The following DLGAP2 variants were observed in gnomAD, a reference collection of about 807,000 sequenced individuals.
The protein encoded by DLGAP2 is DLG associated protein 2, also known as disks large-associated protein 2.
A neutral mutation model predicts 100.3 loss-of-function variants in DLGAP2; 26 were observed. The observed-to-expected ratio is 0.26, with a 90% CI of 0.19 to 0.36. The LOEUF (loss-of-function observed/expected upper bound fraction) is 0.36, where lower values mean the gene tolerates loss of function less well. Among genes scored for constraint, DLGAP2 ranks in the 10% least tolerant of loss-of-function variants. The pLI is 1.00. For missense variants in DLGAP2, 1,858 were observed against 1,453.2 expected (o/e 1.28, Z -4.53); for synonymous variants, 886 against 630.1 (o/e 1.41, Z -6.08).
intron 1 of DLGAP2, among the ~76,000 whole-genome samples, chr8:787,410 A>C (rs1821898477): frequency 6.6e-6 from 1 of 152,184 alleles, no homozygotes; most frequent in South Asian, 2.1e-4. Context: ...TGGCCTCTAA[A>C]AAATATCTTC....
rs1800918031 is a variant in DLGAP2 at position 1,529,647 on chromosome 8, A to T, written c.173-18979A>T. The stretch of plus-strand genomic sequence containing the variant: ...GACAACTGCTGATATGGTGAACATT[A>T]AAAAATTACAGAAGTTAAGCTTGAA... On this transcript the variant is annotated intron_variant, in intron 4 of 14. Transcript: ENST00000637795. Among the ~76,000 whole-genome samples the T allele has an allele frequency of 2.0e-5, 3 of 152,262 alleles. No homozygotes were observed. The South Asian group carries it at 6.2e-4, about 32-fold the overall frequency.
At chr8:1,254,840 C>T (rs915101838) in intron 2 of DLGAP2, among the ~76,000 whole-genome samples, 2 of 121,880 alleles carry the variant, frequency 1.6e-5, no homozygotes, top group East Asian at 4.1e-4. Flanking sequence ...CTGACTTTTC[C>T]TCCGTGGGCC....
chr8:1,199,891 T>A (rs1445602558), intron 2 of DLGAP2, among the ~76,000 whole-genome samples: 2 of 152,046 alleles, frequency 1.3e-5, no homozygotes, highest in Admixed American at 1.3e-4. Context: ...GTGTGATCTC[T>A]ACACCGCCCC....
chr8:1,551,007 G>T (rs1253372425), intron 5 of DLGAP2, among the ~76,000 whole-genome samples: 3 of 152,224 alleles, frequency 2.0e-5, no homozygotes, highest in African/African-American at 7.2e-5. Flanking sequence ...GGGACTAGCA[G>T]CCGTGATTCT....
rs750104011 is a variant in DLGAP2 at position 1,548,924 on chromosome 8, C to T, written c.471C>T (p.Ser157=). The change falls in exon 5 of 15, where the codon TCC becomes TCT. Residue 157 remains serine, a synonymous_variant. Transcript: ENST00000637795. ...CGGTGGTGCTGGGCGACCACGTGTC[C>T]AGCAGCACCTTCCCGCGGATGCACT... ...MMPVVLGDHV[S]SSTFPRMHYS... The T allele has an allele frequency of 1.3e-5, 20 of 1,598,238 alleles. No individual in the cohort carries two copies. The African/African-American group carries it at 2.4e-4, about 19-fold the overall frequency.
chr8:1,646,527 C>T (rs144063247), intron 8 of DLGAP2, among the ~76,000 whole-genome samples: 94 of 152,240 alleles, frequency 6.2e-4, no homozygotes, highest in African/African-American at 2.1e-3. Context: ...GGTATTTTTT[C>T]AGGTTCTGTA....
chr8:1,623,411 G>GCACCAGTGCTTGATGACCTGA (rs1797400435), intron 6 of DLGAP2, among the ~76,000 whole-genome samples: 3 of 150,220 alleles, frequency 2.0e-5, no homozygotes, highest in African/African-American at 7.4e-5. Context: ...TGATGACCTG[G>GCACCAGTGCTTGATGACCTGA]CACCAGTGCT....
chr8:1,545,562 A>C (rs955661535), intron 4 of DLGAP2, among the ~76,000 whole-genome samples: 4 of 152,208 alleles, frequency 2.6e-5, no homozygotes, highest in Admixed American at 2.0e-4. Context: ...CACAAAAAGA[A>C]ATTACCAGCC....
intron 6 of DLGAP2, among the ~76,000 whole-genome samples, chr8:1,601,945 G>GGTATGTGT (rs1554506578): frequency 6.8e-6 from 1 of 146,348 alleles, no homozygotes. Flanking sequence ...AATTTAACAG[G>GGTATGTGT]GTGTGTGTGT....
intron 1 of DLGAP2, among the ~76,000 whole-genome samples, chr8:873,577 T>C (rs1797637780): frequency 1.3e-5 from 2 of 152,232 alleles, no homozygotes; most frequent in African/African-American, 2.4e-5. Context: ...TTCATTTTAC[T>C]AATATTTTGT....
At chr8:1,670,300 C>G (rs1335602833) in intron 10 of DLGAP2, among the ~76,000 whole-genome samples, 1 of 152,238 alleles carries the variant, frequency 6.6e-6, no homozygotes, top group Non-Finnish European at 1.5e-5. Context: ...ACAGTGCCGC[C>G]GCTTCCTGCC....
intron 2 of DLGAP2, among the ~76,000 whole-genome samples, chr8:1,103,437 A>G (rs12544582): frequency 0.25 from 30,669 of 121,074 alleles, 4,942 homozygotes; most frequent in African/African-American, 0.55. Flanking sequence ...GGCTTTGGTT[A>G]ACGGTGATGA....
At chr8:1,617,373 A>G (rs746710602) in intron 6 of DLGAP2, among the ~76,000 whole-genome samples, 15 of 152,210 alleles carry the variant, frequency 9.9e-5, no homozygotes, top group Non-Finnish European at 1.5e-4. Context: ...TTTTCTTCAC[A>G]GCCTCACAGC....
At chr8:1,368,270 GTATGTGTGTA>G (rs1802155437) in intron 3 of DLGAP2, among the ~76,000 whole-genome samples, 1 of 151,930 alleles carries the variant, frequency 6.6e-6, no homozygotes, top group Non-Finnish European at 1.5e-5. Flanking sequence ...GTGTGTGCAG[GTATGTGTGTA>G]TGTGTGTGTA....
intron 6 of DLGAP2, among the ~76,000 whole-genome samples, chr8:1,618,194 C>G (rs1797219450): frequency 6.6e-6 from 1 of 152,154 alleles, no homozygotes; most frequent in Non-Finnish European, 1.5e-5. Context: ...TCTTATATCA[C>G]ATGATTGTTT....
rs1798533241 is a variant in DLGAP2, at chr8:913,603, CT to C, written c.73+5640del. On this transcript the variant is annotated intron_variant, in intron 2 of 14. Coordinates refer to ENST00000637795, the MANE Select transcript of DLGAP2 (RefSeq NM_001346810.2). ...AGATGTTACATGCCTTTTTATAATG[CT>C]TTCCAGTTTATAAGGTGCTTTCACA... 2.0e-5 allele frequency among the ~76,000 whole-genome samples: 3 copies of C among 152,322 alleles called. No homozygotes were observed. In the South Asian group the frequency reaches 6.2e-4, roughly 32 times the overall value.
intron 6 of DLGAP2, among the ~76,000 whole-genome samples, chr8:1,616,650 T>TA (rs984885050): frequency 6.6e-6 from 1 of 152,214 alleles, no homozygotes; most frequent in African/African-American, 2.4e-5. Flanking sequence ...AAATATCTTT[T>TA]AAAAAATGAG....
intron 1 of DLGAP2, among the ~76,000 whole-genome samples, chr8:904,531 G>A (rs1229587647): frequency 6.6e-6 from 1 of 152,152 alleles, no homozygotes; most frequent in Non-Finnish European, 1.5e-5. Context: ...AAAATTACAT[G>A]GCTGCATGTG....
chr8:883,538 C>A (rs752907412), intron 1 of DLGAP2, among the ~76,000 whole-genome samples: 3 of 151,340 alleles, frequency 2.0e-5, no homozygotes, highest in Non-Finnish European at 4.4e-5. Flanking sequence ...ACCCAGGATA[C>A]ATGTACAGAA....
Sources: allele counts gnomAD v4.1 joint callset (sites outside exome capture counted in the v4.1 genomes callset), GRCh38; gene constraint gnomAD v4.1.1; transcripts MANE v1.5; gene names NCBI Gene and HGNC (gene_info 2026-07-23, HGNC 2026-07-21).